Variants in CTCF observed in about 807,000 individuals in gnomAD.
CTCF encodes the protein transcriptional repressor CTCF.
Under a neutral mutation model 72.3 loss-of-function variants are expected in CTCF, and 7 were observed. That is an observed-to-expected ratio of 0.10 (90% CI 0.06 to 0.18). The LOEUF is 0.18. Among genes scored for constraint, CTCF ranks in the 10% least tolerant of loss-of-function variants. CTCF has a pLI of 1.00. For synonymous variants in CTCF, 374 were observed against 315.8 expected (o/e 1.18, Z -1.95); for missense variants, 516 against 949.1 (o/e 0.54, Z 6.00).
rs2051947740 is a variant in CTCF, at chr16:67,604,737, TTTTTTTTGTTTTTTG to T, written c.-9-6079_-9-6065del. 4.4e-5 allele frequency among the ~76,000 whole-genome samples: 6 copies of T among 136,946 alleles called. No individual in the cohort carries two copies. The South Asian group carries it at 9.4e-4, about 22-fold the overall frequency. 89.8% of individuals were successfully genotyped at this position (136,946 alleles called of 152,430 possible). Reference sequence around the variant, plus strand: ...AAAATTAATTTCACCAGGGTTTTTTTTTTTTTTGTTTTTTGTTTTTTTTTTTTACTTTTTAATATG... The same window carrying T: ...AAAATTAATTTCACCAGGGTTTTTTTTTTTTTTTTTTTACTTTTTAATATG... On this transcript the variant is annotated intron_variant, in intron 2 of 11. Coordinates refer to ENST00000264010, the MANE Select transcript of CTCF (RefSeq NM_006565.4).
chr16:67,636,599 C>T (rs979524480), intron 10 of CTCF, 91 bp from the exon 11 acceptor site: 91 of 461,476 alleles, frequency 2.0e-4, no homozygotes, highest in Middle Eastern at 6.9e-4. Context: ...ATTTATAAAA[C>T]AAGACTTCAA....
intron 2 of CTCF, among the ~76,000 whole-genome samples, chr16:67,604,758 T>TG (rs2051949797): frequency 6.7e-6 from 1 of 149,136 alleles, no homozygotes; most frequent in African/African-American, 2.5e-5. Flanking sequence ...TTTTGTTTTT[T>TG]TTTTTTACTT....
intron 2 of CTCF, among the ~76,000 whole-genome samples, chr16:67,607,829 C>G (rs2051997056): frequency 6.7e-6 from 1 of 149,848 alleles, no homozygotes; most frequent in Non-Finnish European, 1.5e-5. Context: ...ACCAGCCTGG[C>G]CAACATAGTG....
intron 2 of CTCF, among the ~76,000 whole-genome samples, chr16:67,598,821 A>G (rs2051848545): frequency 6.6e-6 from 1 of 152,254 alleles, no homozygotes; most frequent in South Asian, 2.1e-4. Flanking sequence ...GCTGAATTCC[A>G]CAGAGAGGTC....
At chr16:67,563,047 C>T (rs995540913) in intron 1 of CTCF, among the ~76,000 whole-genome samples, 24 of 151,546 alleles carry the variant, frequency 1.6e-4, no homozygotes, top group Admixed American at 1.4e-3. Context: ...CCCTCGAGGC[C>T]GGTTCTTGGC....
chr16:67,570,163 G>A (rs1424687284), intron 1 of CTCF, among the ~76,000 whole-genome samples: 2 of 148,006 alleles, frequency 1.4e-5, no homozygotes, highest in Non-Finnish European at 3.0e-5. Context: ...TGCAAGCTCC[G>A]CCTCCCGGGT....
intron 2 of CTCF, among the ~76,000 whole-genome samples, chr16:67,577,017 C>T (rs918202695): frequency 6.6e-6 from 1 of 151,944 alleles, no homozygotes; most frequent in South Asian, 2.1e-4. Flanking sequence ...GTGTATAAAA[C>T]CTATAGGTAG....
intron 2 of CTCF, 162 bp from the exon 3 acceptor site, chr16:67,610,662 T>A (rs2052049708): frequency 2.4e-6 from 1 of 411,996 alleles, no homozygotes; most frequent in Admixed American, 4.3e-5. Flanking sequence ...CCAGTAGTGG[T>A]TGTTTCTTTC....
chr16:67,570,868 G>A (rs533979469), intron 1 of CTCF: 1 of 150,930 alleles, frequency 6.6e-6, no homozygotes, highest in South Asian at 2.1e-4. Flanking sequence ...GCTTCCGAAA[G>A]CGTTAAGATT....
At chr16:67,626,822 A>C (rs1374410269) in intron 8 of CTCF, 107 bp downstream of exon 8, 1 of 800,396 alleles carries the variant, frequency 1.2e-6, no homozygotes, top group African/African-American at 1.8e-5. Flanking sequence ...GTATTTTCAA[A>C]CTGTGGATTA....
At chr16:67,625,352 C>T (rs1476419194) in intron 7 of CTCF, among the ~76,000 whole-genome samples, 1 of 152,134 alleles carries the variant, frequency 6.6e-6, no homozygotes, top group African/African-American at 2.4e-5. Flanking sequence ...GCATACACCA[C>T]CACGCCCAGC....
intron 1 of CTCF, among the ~76,000 whole-genome samples, chr16:67,567,529 A>T (rs2051359058): frequency 6.6e-6 from 1 of 152,164 alleles, no homozygotes; most frequent in African/African-American, 2.4e-5. Flanking sequence ...TAATTGTGAG[A>T]TGGATTTCCT....
intron 2 of CTCF, among the ~76,000 whole-genome samples, chr16:67,588,135 G>T (rs1367215245): frequency 1.3e-5 from 2 of 152,182 alleles, no homozygotes; most frequent in African/African-American, 2.4e-5. Context: ...TGGGATTACA[G>T]GGATGAGCCA....
intron 2 of CTCF, among the ~76,000 whole-genome samples, chr16:67,587,283 C>G (rs1210260561): frequency 6.6e-6 from 1 of 151,598 alleles, no homozygotes; most frequent in African/African-American, 2.4e-5. Flanking sequence ...TGATTGTTGT[C>G]GAAGACATTA....
intron 2 of CTCF, among the ~76,000 whole-genome samples, chr16:67,606,831 C>G (rs1420176905): frequency 6.7e-6 from 1 of 148,788 alleles, no homozygotes; most frequent in Admixed American, 6.7e-5. Context: ...CAGTGGCACT[C>G]GGCTCACTGC....
rs1017951611 is a variant in CTCF at position 67,610,827 on chromosome 16, G to A, written c.-6G>A. On this transcript the variant is annotated 5_prime_UTR_variant, in exon 3 of 12. Transcript: ENST00000264010. ...TCTGTGTTCTCCCTTAATAAAGGCA[G>A]GGGAAATGGAAGGTGATGCAGTCGA... 1 of 1,462,986 alleles carries A rather than the reference G, an allele frequency of 6.8e-7. No homozygotes were observed. Among genetic ancestry groups the A allele is most frequent in the Non-Finnish European group, 9.1e-7 (1 of 1,103,308 alleles). 90.6% of individuals were successfully genotyped at this position (1,462,986 alleles called of 1,614,324 possible).
chr16:67,563,251 C>T (rs1028381480), intron 1 of CTCF: 1 of 152,428 alleles, frequency 6.6e-6, no homozygotes, highest in African/African-American at 2.4e-5. Context: ...GCCGTCGCGT[C>T]TCGGGCTGCC....
rs764966048 is a variant in CTCF at position 67,620,264 on chromosome 16, G to A, written c.1087-433G>A. 4.6e-5 allele frequency among the ~76,000 whole-genome samples: 7 copies of A among 152,166 alleles called. No homozygotes were observed. The East Asian group carries it at 1.2e-3, about 25-fold the overall frequency. On this transcript the variant is annotated intron_variant, in intron 5 of 11. Transcript: ENST00000264010. ...TGTCCAGGTTGGAGTGCAGTGGCAC[G>A]ATCTCGGGTCACTGCAGCCTCCACC...
At chr16:67,625,959 G>A (rs1463773382) in intron 7 of CTCF, among the ~76,000 whole-genome samples, 1 of 152,016 alleles carries the variant, frequency 6.6e-6, no homozygotes, top group Non-Finnish European at 1.5e-5. Context: ...ACTAAATCCT[G>A]TTGATTCAAC....
Sources: allele counts gnomAD v4.1 joint callset (sites outside exome capture counted in the v4.1 genomes callset), GRCh38; gene constraint gnomAD v4.1.1; transcripts MANE v1.5; gene names NCBI Gene and HGNC (gene_info 2026-07-23, HGNC 2026-07-21).